ADRA1A: variants seen among roughly 807,000 people sequenced by gnomAD.
The protein encoded by ADRA1A is alpha-1A adrenergic receptor.
ADRA1A carries 31 observed loss-of-function variants against 29.6 expected under a neutral mutation model. The observed-to-expected ratio is 1.05, with a 90% CI of 0.79 to 1.41. The LOEUF is 1.41. Ranked by LOEUF, ADRA1A falls within the 40% of genes most tolerant of loss-of-function variation. The pLI is 0.00. For missense variants in ADRA1A, 619 were observed against 601.1 expected (o/e 1.03, Z -0.31); for synonymous variants, 311 against 254.3 (o/e 1.22, Z -2.12).
intron 2 of ADRA1A, among the ~76,000 whole-genome samples, chr8:26,757,949 C>T (rs1805284077): frequency 6.6e-6 from 1 of 152,160 alleles, no homozygotes; most frequent in Non-Finnish European, 1.5e-5. Context: ...ACTTAATATA[C>T]TTTCTATTGC....
chr8:26,859,163 C>T (rs776574852), intron 2 of ADRA1A: 6 of 1,289,962 alleles, frequency 4.7e-6, no homozygotes, highest in South Asian at 1.2e-5. Flanking sequence ...GACCGACAGC[C>T]CTTTTCTCCA....
At chr8:26,759,230 C>T (rs1805370164) in intron 2 of ADRA1A, among the ~76,000 whole-genome samples, 1 of 152,156 alleles carries the variant, frequency 6.6e-6, no homozygotes. Context: ...AATGTCAGCT[C>T]TCACTTGTTG....
intron 2 of ADRA1A, among the ~76,000 whole-genome samples, chr8:26,819,434 A>T (rs985057744): frequency 4.8e-5 from 7 of 145,064 alleles, no homozygotes; most frequent in African/African-American, 1.9e-4. Flanking sequence ...AATAATTAAT[A>T]AATAAACAAT....
intron 2 of ADRA1A, among the ~76,000 whole-genome samples, chr8:26,850,025 C>CAAAAAAACAAAAAACAAAAAACA (rs141672591): frequency 6.6e-5 from 8 of 121,558 alleles, no homozygotes; most frequent in Non-Finnish European, 1.2e-4. Flanking sequence ...GAGAGAAATG[C>CAAAAAAACAAAAAACAAAAAACA]AAAAACAAAA....
downstream of ADRA1A, chr8:26,766,060 T>C (rs756195367): frequency 6.8e-6 from 11 of 1,613,840 alleles, no homozygotes; most frequent in Admixed American, 1.7e-5. Flanking sequence ...ATCAGCATTC[T>C]GAACCCTTTC....
intron 2 of ADRA1A, among the ~76,000 whole-genome samples, chr8:26,760,135 C>G (rs539909871): frequency 2.6e-5 from 4 of 152,208 alleles, no homozygotes; most frequent in Non-Finnish European, 1.5e-5. Flanking sequence ...AAATGCTCCT[C>G]GCTTCTCAGC....
At chr8:26,771,759 C>G (rs546360665) in intron 2 of ADRA1A, 2 of 153,116 alleles carry the variant, frequency 1.3e-5, no homozygotes, top group East Asian at 3.8e-4. Context: ...AGCACTACTC[C>G]GGGCAGCCCA....
intron 2 of ADRA1A, among the ~76,000 whole-genome samples, chr8:26,863,017 CA>C (rs61757005): frequency 1.3e-5 from 2 of 151,826 alleles, no homozygotes; most frequent in African/African-American, 4.8e-5. Context: ...ATAAGTGGCA[CA>C]AAAAAATAAT....
intron 2 of ADRA1A, among the ~76,000 whole-genome samples, chr8:26,758,583 G>A (rs17055943): frequency 0.021 from 3,163 of 152,288 alleles, 116 homozygotes; most frequent in African/African-American, 0.07. Context: ...GAGAGGTCAC[G>A]TGATTTGTTC....
chr8:26,864,785 T>C lies in ADRA1A; in HGVS notation c.185A>G (p.His62Arg), dbSNP rs1813775984. The C allele has an allele frequency of 1.2e-6, 2 of 1,613,976 alleles. No individual in the cohort carries two copies. Among genetic ancestry groups the C allele is most frequent in the Non-Finnish European group, 1.7e-6 (2 of 1,179,982 alleles). Residue 62 changes from histidine to arginine, a missense_variant, in exon 2 of 3, where the codon CAC becomes CGC. Coordinates refer to ENST00000380573, the MANE Select transcript of ADRA1A (RefSeq NM_000680.4). The surrounding 1 kb of genome is among the most constrained non-coding windows in gnomAD (Gnocchi z 8.1). ...ACHRHLHSVT[H>R]YYIVNLAVAD... Reference sequence around the variant, plus strand: ...CACCGCCAGGTTGACGATGTAGTAGTGCGTGACTGAGTGCAGGTGTCGGTG... The same window carrying C: ...CACCGCCAGGTTGACGATGTAGTAGCGCGTGACTGAGTGCAGGTGTCGGTG...
chr8:26,810,078 G>C (rs1809273972), intron 2 of ADRA1A, among the ~76,000 whole-genome samples: 1 of 152,172 alleles, frequency 6.6e-6, no homozygotes, highest in African/African-American at 2.4e-5. Context: ...TTTTAACTGA[G>C]CTCCACTGGC....
At position 26,864,830 on chromosome 8, in the gene ADRA1A, A is replaced by G. The variant is rs779890003; in HGVS notation, c.140T>C (p.Val47Ala). 9 of 1,614,146 alleles carry G rather than the reference A, an allele frequency of 5.6e-6. No individual in the cohort carries two copies. The highest frequency in any genetic ancestry group is 2.2e-5 in the South Asian group (2 of 91,082). ...ILFGVLGNIL[V>A]ILSVACHRHL... ...TCGGTGACAGGCTACGGAGAGGATC[A>G]CTAGGATGTTACCCAGCACCCCGAA... Residue 47 changes from valine (V) to alanine (A), a missense_variant, in exon 2 of 3, where the codon GTG becomes GCG. Coordinates refer to ENST00000380573, the MANE Select transcript of ADRA1A (RefSeq NM_000680.4). This position sits in a 1 kb window ranked among gnomAD's most constrained non-coding sequence, Gnocchi z 8.1.
At chr8:26,785,654 A>G (rs989856321) in intron 2 of ADRA1A, among the ~76,000 whole-genome samples, 1 of 152,176 alleles carries the variant, frequency 6.6e-6, no homozygotes, top group Admixed American at 6.5e-5. Context: ...ATCTGCAGCT[A>G]GCATTCAGCC....
intron 2 of ADRA1A, among the ~76,000 whole-genome samples, chr8:26,800,305 G>A (rs1218225890): frequency 6.6e-6 from 1 of 151,912 alleles, no homozygotes; most frequent in East Asian, 1.9e-4. Context: ...TATTACATTA[G>A]CATTAAAGAC....
chr8:26,856,506 G>A (rs569422657), intron 2 of ADRA1A, among the ~76,000 whole-genome samples: 1 of 152,320 alleles, frequency 6.6e-6, no homozygotes, highest in East Asian at 1.9e-4. Context: ...CTGGACACCA[G>A]TTATCTCTTG....
chr8:26,812,468 A>G (rs1809460243), intron 2 of ADRA1A, among the ~76,000 whole-genome samples: 1 of 152,146 alleles, frequency 6.6e-6, no homozygotes, highest in African/African-American at 2.4e-5. Context: ...TTTACAGGAA[A>G]CAGGGATCTA....
chr8:26,841,630 C>T lies in ADRA1A; in HGVS notation c.883+22457G>A, dbSNP rs1221544321. On this transcript the variant is annotated intron_variant, in intron 2 of 2. Transcript: ENST00000380573. This position sits in a 1 kb window ranked among gnomAD's most constrained non-coding sequence, Gnocchi z 4.4. Reference sequence around the variant, plus strand: ...CTCACCTCCACTTTTATTTCCACATCCTCCATGACAAGCCTCCTGTCCCTA... The same window carrying T: ...CTCACCTCCACTTTTATTTCCACATTCTCCATGACAAGCCTCCTGTCCCTA... Among the ~76,000 whole-genome samples, 1 of 152,156 alleles carries T rather than the reference C, an allele frequency of 6.6e-6. No homozygotes were observed. Among genetic ancestry groups the T allele is most frequent in the Non-Finnish European group, 1.5e-5 (1 of 68,030 alleles).
intron 2 of ADRA1A, among the ~76,000 whole-genome samples, chr8:26,760,219 G>C (rs989984944): frequency 6.6e-6 from 1 of 152,202 alleles, no homozygotes; most frequent in African/African-American, 2.4e-5. Context: ...AAGGGTCTTG[G>C]GTTGGGTGAT....
chr8:26,774,026 G>T (rs777829960), intron 2 of ADRA1A, among the ~76,000 whole-genome samples: 24 of 152,166 alleles, frequency 1.6e-4, no homozygotes, highest in Non-Finnish European at 3.4e-4. Flanking sequence ...TAATCTCTAG[G>T]CCTAACCCCA....
Sources: allele counts gnomAD v4.1 joint callset (sites outside exome capture counted in the v4.1 genomes callset), GRCh38; gene constraint gnomAD v4.1.1; non-coding constraint Gnocchi (gnomAD v3.1); transcripts MANE v1.5; gene names NCBI Gene and HGNC (gene_info 2026-07-23, HGNC 2026-07-21).